Variants in DOCK3 observed in about 807,000 individuals in gnomAD.
DOCK3 encodes dedicator of cytokinesis protein 3.
In DOCK3, 60 loss-of-function variants were observed where a neutral mutation model predicts 265.6. The observed-to-expected ratio is 0.23, with a 90% CI of 0.18 to 0.28. DOCK3 has a LOEUF of 0.28. DOCK3 is among the 10% of genes least tolerant of loss of function. The pLI, the probability that DOCK3 is intolerant of heterozygous loss-of-function variation, is 1.00. For missense variants in DOCK3, 1,981 were observed against 2,594.3 expected, an observed-to-expected ratio of 0.76 and a Z score of 5.14; for synonymous variants, 881 against 938.0, an observed-to-expected ratio of 0.94 and a Z score of 1.11.
chr3:51,245,896 A>C lies in DOCK3; in HGVS notation c.2103-830A>C, dbSNP rs934982343. ...ACTATTTCCCCCATATTTTCATTGA[A>C]AAGAACGTGACACAGGGGATTAAAT... On this transcript the variant is annotated intron_variant, in intron 21 of 52. Coordinates refer to ENST00000266037, the MANE Select transcript of DOCK3 (RefSeq NM_004947.5). 3.3e-5 allele frequency among the ~76,000 whole-genome samples: 5 copies of C among 152,264 alleles called. No homozygotes were observed. In the South Asian group the frequency reaches 1.0e-3, roughly 32 times the overall value.
At chr3:50,748,194 A>G (rs1179106680) in intron 1 of DOCK3, among the ~76,000 whole-genome samples, 1 of 151,978 alleles carries the variant, frequency 6.6e-6, no homozygotes, top group Non-Finnish European at 1.5e-5. Flanking sequence ...TTCTTTAGAG[A>G]TGGGGTCTTG....
chr3:51,336,261 C>G (rs1349024964), intron 35 of DOCK3, among the ~76,000 whole-genome samples: 5 of 151,356 alleles, frequency 3.3e-5, no homozygotes, highest in Non-Finnish European at 7.4e-5. Flanking sequence ...CTCAGACACT[C>G]TGTGTCAGAC....
chr3:50,696,889 A>G (rs2035659383), intron 1 of DOCK3, among the ~76,000 whole-genome samples: 1 of 148,350 alleles, frequency 6.7e-6, no homozygotes, highest in Non-Finnish European at 1.5e-5. Context: ...TTTAAAGCCT[A>G]CCTTTAAAGC....
At position 51,199,213 on chromosome 3, in the gene DOCK3, C is replaced by T. The variant is rs112110233; in HGVS notation, c.1038-9561C>T. The stretch of plus-strand genomic sequence containing the variant: ...AGGTCAGTGGGTGCAGCACACCGTG[C>T]GTGAGCCAAAGCAGGGCGAGGCATT... On this transcript the variant is annotated intron_variant, in intron 12 of 52. Coordinates refer to ENST00000266037, the MANE Select transcript of DOCK3 (RefSeq NM_004947.5). Among the ~76,000 whole-genome samples the T allele has an allele frequency of 2.2e-4, 34 of 152,266 alleles. 2 individuals carry two copies. Among genetic ancestry groups the T allele is most frequent in the African/African-American group, 4.8e-4 (20 of 41,552 alleles).
intron 5 of DOCK3, among the ~76,000 whole-genome samples, chr3:50,938,361 A>T (rs1364320079): frequency 6.6e-6 from 1 of 152,188 alleles, no homozygotes; most frequent in African/African-American, 2.4e-5. Context: ...AGTAATCCGT[A>T]TAACCACTAG....
chr3:51,273,675 T>C (rs2080640490), intron 24 of DOCK3, among the ~76,000 whole-genome samples: 1 of 152,250 alleles, frequency 6.6e-6, no homozygotes, highest in Non-Finnish European at 1.5e-5. Context: ...GACAAGGCAG[T>C]GCCCAAATCT....
intron 5 of DOCK3, among the ~76,000 whole-genome samples, chr3:50,988,434 G>T (rs2077984204): frequency 6.6e-6 from 1 of 152,184 alleles, no homozygotes; most frequent in South Asian, 2.1e-4. Flanking sequence ...CACCATCCTT[G>T]CTGTTTGGGC....
At chr3:50,970,324 G>A (rs1044673578) in intron 5 of DOCK3, among the ~76,000 whole-genome samples, 3 of 151,844 alleles carry the variant, frequency 2.0e-5, no homozygotes, top group African/African-American at 7.3e-5. Flanking sequence ...TCTCATATCT[G>A]GATATCTAAA....
At chr3:51,181,159 T>G (rs532717978) in intron 12 of DOCK3, among the ~76,000 whole-genome samples, 148 of 152,294 alleles carry the variant, frequency 9.7e-4, no homozygotes, top group Non-Finnish European at 1.9e-3. Context: ...AAATTATACT[T>G]TAAGTTCTAG....
At chr3:51,129,241 T>C (rs1431642209) in intron 9 of DOCK3, among the ~76,000 whole-genome samples, 3 of 152,246 alleles carry the variant, frequency 2.0e-5, no homozygotes, top group Non-Finnish European at 4.4e-5. Flanking sequence ...CCTTCACTGC[T>C]GTCCTACAGG....
chr3:50,994,512 A>G (rs2078213817), intron 5 of DOCK3, among the ~76,000 whole-genome samples: 1 of 152,234 alleles, frequency 6.6e-6, no homozygotes, highest in Admixed American at 6.5e-5. Context: ...AAGCCAGTGG[A>G]CATTAGTTGT....
intron 26 of DOCK3, chr3:51,278,330 G>C: frequency 1.0e-6 from 1 of 985,422 alleles, no homozygotes; most frequent in Non-Finnish European, 1.2e-6. Context: ...GGGGCAGAGA[G>C]ACAATACCTT....
chr3:50,937,857 G>A (rs2051470098), intron 5 of DOCK3, among the ~76,000 whole-genome samples: 1 of 151,330 alleles, frequency 6.6e-6, no homozygotes, highest in South Asian at 2.1e-4. Context: ...AAAATAGAGG[G>A]AGCAAACACA....
intron 22 of DOCK3, among the ~76,000 whole-genome samples, chr3:51,255,940 A>T (rs137952716): frequency 6.6e-6 from 1 of 152,300 alleles, no homozygotes. Context: ...GGAGGAGAAG[A>T]GGCCCTCTGA....
intron 49 of DOCK3, among the ~76,000 whole-genome samples, chr3:51,368,908 G>C (rs951094201): frequency 1.5e-4 from 23 of 152,194 alleles, no homozygotes; most frequent in African/African-American, 4.8e-4. Flanking sequence ...AGCGTCCACT[G>C]TTGATACCCA....
chr3:51,309,555 G>T (rs1451711312), intron 27 of DOCK3, among the ~76,000 whole-genome samples: 1 of 152,218 alleles, frequency 6.6e-6, no homozygotes, highest in Non-Finnish European at 1.5e-5. Context: ...CTTCGGCTCG[G>T]CATCAGAGGG....
intron 15 of DOCK3, among the ~76,000 whole-genome samples, chr3:51,226,564 G>A (rs944405582): frequency 1.3e-5 from 2 of 152,180 alleles, no homozygotes; most frequent in South Asian, 4.1e-4. Context: ...TAGAAACAAC[G>A]ATTTGTATGT....
At chr3:51,306,011 CTTTTTTTTTTTCT>C (rs2082670209) in intron 27 of DOCK3, among the ~76,000 whole-genome samples, 1 of 136,570 alleles carries the variant, frequency 7.3e-6, no homozygotes, top group Non-Finnish European at 1.6e-5. Context: ...GCTAGTTTTT[CTTTTTTTTTTTCT>C]TTTTTTTTTT....
chr3:51,270,773 A>C (rs2080452455), intron 23 of DOCK3, 42 bp from the exon 24 acceptor site: 5 of 1,569,220 alleles, frequency 3.2e-6, no homozygotes, highest in Non-Finnish European at 4.3e-6. Flanking sequence ...ATAGACACAC[A>C]CCCTAACTCT....
Sources: allele counts gnomAD v4.1 joint callset (sites outside exome capture counted in the v4.1 genomes callset), GRCh38; gene constraint gnomAD v4.1.1; transcripts MANE v1.5; gene names NCBI Gene and HGNC (gene_info 2026-07-23, HGNC 2026-07-21).